PRPS2: variants seen among roughly 807,000 people sequenced by gnomAD.
PRPS2 encodes phosphoribosyl pyrophosphate synthetase 2.
For missense variants in PRPS2, 104 were observed against 271.5 expected, an observed-to-expected ratio of 0.38 and a Z score of 4.34; for synonymous variants, 111 against 115.3, an observed-to-expected ratio of 0.96 and a Z score of 0.24.
At position 12,809,738 on chromosome X, in the gene PRPS2, T is replaced by C. The variant is rs993139851; in HGVS notation, c.406-284T>C. On this transcript the variant is annotated intron_variant, in intron 3 of 6. Coordinates refer to ENST00000380668, the MANE Select transcript of PRPS2 (RefSeq NM_002765.5). ...ATAACTACTTAAGAGACAACAAACC[T>C]TTTCCCTCACCGTCCTGCATAGCCA... Among the ~76,000 whole-genome samples the C allele has an allele frequency of 7.1e-5, 8 of 112,256 alleles. 1 individual carries two copies. The highest frequency in any genetic ancestry group is 7.4e-4 in the South Asian group (2 of 2,692).
At chrX:12,814,001 G>A (rs1174211153) in intron 4 of PRPS2, among the ~76,000 whole-genome samples, 3 of 105,782 alleles carry the variant, frequency 2.8e-5, no homozygotes, top group Non-Finnish European at 5.8e-5. Flanking sequence ...CTTTTTTAAT[G>A]TCCCAAGTTT....
intron 1 of PRPS2, 94 bp from the exon 2 acceptor site, chrX:12,799,113 C>G (rs2042557395): frequency 4.7e-6 from 4 of 849,635 alleles, no homozygotes; most frequent in Non-Finnish European, 6.8e-6. Context: ...TCCTATAAGT[C>G]ATCCTGGTGA....
At chrX:12,795,858 A>G (rs2042540377) in intron 1 of PRPS2, among the ~76,000 whole-genome samples, 1 of 111,884 alleles carries the variant, frequency 8.9e-6, no homozygotes, top group Non-Finnish European at 1.9e-5. Flanking sequence ...AGTGTTCACA[A>G]AGCAGTTAGA....
chrX:12,808,153 C>A (rs1208689306), intron 2 of PRPS2, among the ~76,000 whole-genome samples: 2 of 111,175 alleles, frequency 1.8e-5, no homozygotes, highest in East Asian at 5.6e-4. Flanking sequence ...AGGCGTGAGC[C>A]ACCGCGCCCC....
At chrX:12,822,571 G>A (rs943650307) in intron 6 of PRPS2, 133 bp from the exon 7 acceptor site, 18 of 595,654 alleles carry the variant, frequency 3.0e-5, no homozygotes, top group Admixed American at 8.3e-5. Context: ...CAAAAGTGTC[G>A]GAAGTTTTGA....
intron 2 of PRPS2, among the ~76,000 whole-genome samples, chrX:12,806,481 G>C (rs1268915553): frequency 8.9e-6 from 1 of 112,282 alleles, no homozygotes; most frequent in Non-Finnish European, 1.9e-5. Context: ...CACTACCTTT[G>C]TTTCAGTGCT....
At chrX:12,810,289 T>C (rs915996369) in intron 4 of PRPS2, 143 bp downstream of exon 4, 1 of 752,890 alleles carries the variant, frequency 1.3e-6, no homozygotes, top group African/African-American at 2.1e-5. Context: ...CAGGCTTCAC[T>C]TCCAGAGCAG....
In PRPS2 at chrX:12,810,130, G is replaced by C; in HGVS notation, c.514G>C (p.Ala172Pro). 8.3e-7 allele frequency: 1 copy of C among 1,211,814 alleles called. No homozygotes were observed. The highest frequency in any genetic ancestry group is 1.1e-6 in the Non-Finnish European group (1 of 895,448). Residue 172 changes from alanine to proline, a missense_variant, in exon 4 of 7, where the codon GCA becomes CCA. Transcript: ENST00000380668. ...WKNCIIVSPDAGGAKRVTSIA... is the reference protein window; with the variant it reads ...WKNCIIVSPDPGGAKRVTSIA... Reference sequence around the variant, plus strand: ...GAACTGTATCATTGTTTCACCTGACGCAGGGGGAGCCAAAAGGTATCATGC... The same window carrying C: ...GAACTGTATCATTGTTTCACCTGACCCAGGGGGAGCCAAAAGGTATCATGC...
At chrX:12,792,603 C>G (rs1037659429) in intron 1 of PRPS2, among the ~76,000 whole-genome samples, 2 of 111,797 alleles carry the variant, frequency 1.8e-5, no homozygotes, top group South Asian at 3.7e-4. Flanking sequence ...TGTCTAGTAC[C>G]GTTAACTGTC....
chrX:12,805,031 T>C (rs2042587068), intron 2 of PRPS2, among the ~76,000 whole-genome samples: 2 of 112,515 alleles, frequency 1.8e-5, no homozygotes, highest in South Asian at 7.3e-4. Context: ...TAAACCTTGC[T>C]GCTGCTTTTT....
At chrX:12,794,917 G>A (rs1470246421) in intron 1 of PRPS2, among the ~76,000 whole-genome samples, 1 of 112,166 alleles carries the variant, frequency 8.9e-6, no homozygotes, top group Non-Finnish European at 1.9e-5. Flanking sequence ...GGCAGTGCTA[G>A]CACATGTAGT....
intron 1 of PRPS2, among the ~76,000 whole-genome samples, chrX:12,796,711 A>G (rs1456929232): frequency 9.0e-6 from 1 of 111,407 alleles, no homozygotes; most frequent in Non-Finnish European, 1.9e-5. Context: ...CAGGCAATCC[A>G]AAACCACAGG....
At chrX:12,808,035 T>C (rs1317893221) in intron 2 of PRPS2, among the ~76,000 whole-genome samples, 1 of 110,037 alleles carries the variant, frequency 9.1e-6, no homozygotes, top group African/African-American at 3.3e-5. Context: ...GCCTGGCTAA[T>C]TTTTTGTGTT....
At chrX:12,809,888 G>A in intron 3 of PRPS2, 134 bp from the exon 4 acceptor site, 1 of 863,488 alleles carries the variant, frequency 1.2e-6, no homozygotes, top group Non-Finnish European at 1.6e-6. Flanking sequence ...ATTAACAAAA[G>A]GGAGTCTGTT....
At chrX:12,810,171 G>C in intron 4 of PRPS2, 25 bp downstream of exon 4, 1 of 1,206,403 alleles carries the variant, frequency 8.3e-7, no homozygotes, top group Non-Finnish European at 1.1e-6. Context: ...ACACCTTGCA[G>C]ATTTCTCCAT....
At position 12,814,062 on chromosome X, in the gene PRPS2, C is replaced by A. The variant is rs772288439; in HGVS notation, c.530+3916C>A. On this transcript the variant is annotated intron_variant, in intron 4 of 6. Coordinates refer to ENST00000380668, the MANE Select transcript of PRPS2 (RefSeq NM_002765.5). ...ATAAAGAATGAAATAAGAATCCAGC[C>A]CCCCCACCCCCGACTCTACTGTCTA... Among the ~76,000 whole-genome samples, 329 of 45,920 alleles carry A rather than the reference C, an allele frequency of 7.2e-3. 1 individual carries two copies. The highest frequency in any genetic ancestry group is 9.7e-3 in the Non-Finnish European group (238 of 24,577). The allele number at this position is 45,920 out of a possible 115,157, so 39.9% of individuals were successfully genotyped here.
chrX:12,810,514 A>G lies in PRPS2; in HGVS notation c.530+368A>G, dbSNP rs73438857. ...AGCACTTGGAAATGGTAGCCAAAAT[A>G]GAACAATTTTTTTTTAAAAGAAATC... is the stretch of plus-strand genomic sequence containing the variant. On this transcript the variant is annotated intron_variant, in intron 4 of 6. Coordinates refer to ENST00000380668, the MANE Select transcript of PRPS2 (RefSeq NM_002765.5). The G allele has an allele frequency of 5.9e-3, 1,207 of 204,692 alleles. 14 individuals carry two copies. Among genetic ancestry groups the G allele is most frequent in the African/African-American group, 0.032 (1,109 of 34,212 alleles). The allele number at this position is 204,692 out of a possible 1,213,427, so 16.9% of individuals were successfully genotyped here. A position where few individuals can be genotyped will look rare whatever the true frequency, so the allele number is the denominator to read the frequency against.
chrX:12,811,487 G>T (rs2042623925), intron 4 of PRPS2, among the ~76,000 whole-genome samples: 1 of 111,702 alleles, frequency 9.0e-6, no homozygotes, highest in Non-Finnish European at 1.9e-5. Context: ...GTAGAGCTTT[G>T]CAGATGCTAT....
At chrX:12,816,666 A>G (rs2042649301) in intron 4 of PRPS2, among the ~76,000 whole-genome samples, 1 of 111,349 alleles carries the variant, frequency 9.0e-6, no homozygotes, top group Non-Finnish European at 1.9e-5. Context: ...GTTTTGTACA[A>G]TCAACATTTG....
Sources: allele counts gnomAD v4.1 joint callset (sites outside exome capture counted in the v4.1 genomes callset), GRCh38; gene constraint gnomAD v4.1.1; transcripts MANE v1.5; gene names NCBI Gene and HGNC (gene_info 2026-07-23, HGNC 2026-07-21).